The following ADAMTSL1 variants were observed in gnomAD, a reference collection of about 807,000 sequenced individuals.
ADAMTSL1 encodes the protein ADAMTS like 1, also known as ADAMTS-like protein 1.
Under a neutral mutation model 201.8 loss-of-function variants are expected in ADAMTSL1, and 126 were observed. The ratio of observed to expected loss-of-function variants is 0.62; its 90% CI spans 0.54 to 0.72. The LOEUF (loss-of-function observed/expected upper bound fraction) is 0.72. Ranked by LOEUF, ADAMTSL1 falls within the 30% of genes least tolerant of loss-of-function variation. The pLI, the probability that ADAMTSL1 is intolerant of heterozygous loss-of-function variation, is 0.00. For missense variants in ADAMTSL1, 2,679 were observed against 2,277.8 expected, an observed-to-expected ratio of 1.18 and a Z score of -3.59; for synonymous variants, 1,121 against 903.4, an observed-to-expected ratio of 1.24 and a Z score of -4.32.
chr9:18,522,536 A>G (rs915203315), intron 2 of ADAMTSL1, among the ~76,000 whole-genome samples: 8 of 151,860 alleles, frequency 5.3e-5, no homozygotes, highest in African/African-American at 1.9e-4. Context: ...GGTGTGCTGC[A>G]CCCATTAACT....
At chr9:18,389,564 A>G (rs1190921621) in intron 2 of ADAMTSL1, among the ~76,000 whole-genome samples, 1 of 152,176 alleles carries the variant, frequency 6.6e-6, no homozygotes, top group Non-Finnish European at 1.5e-5. Flanking sequence ...GAACTCCATA[A>G]TTCTTAGGGC....
chr9:18,562,694 C>T (rs188342560), intron 3 of ADAMTSL1, among the ~76,000 whole-genome samples: 1 of 152,288 alleles, frequency 6.6e-6, no homozygotes, highest in East Asian at 1.9e-4. Context: ...TTCCATATTT[C>T]TTGGAGGCTT....
intron 2 of ADAMTSL1, among the ~76,000 whole-genome samples, chr9:18,244,130 G>A (rs1831171985): frequency 6.7e-6 from 1 of 149,194 alleles, no homozygotes; most frequent in Non-Finnish European, 1.5e-5. Context: ...TGTGTGTGTG[G>A]CCAATTCATA....
At chr9:18,740,033 T>C (rs1380713443) in intron 15 of ADAMTSL1, among the ~76,000 whole-genome samples, 1 of 152,070 alleles carries the variant, frequency 6.6e-6, no homozygotes, top group African/African-American at 2.4e-5. Context: ...GACAGGGAGA[T>C]CTCTGCATGG....
intron 1 of ADAMTSL1, among the ~76,000 whole-genome samples, chr9:17,929,210 C>A (rs1269448957): frequency 6.6e-6 from 1 of 152,126 alleles, no homozygotes; most frequent in East Asian, 1.9e-4. Context: ...CATGGCACTT[C>A]CCTGCTTAAA....
At chr9:18,448,487 AAGAATTT>A (rs946717031) in intron 2 of ADAMTSL1, among the ~76,000 whole-genome samples, 73 of 152,344 alleles carry the variant, frequency 4.8e-4, no homozygotes, top group African/African-American at 1.6e-3. Context: ...AAACCCCTAA[AAGAATTT>A]AGAAAATATC....
Position 18,777,495 on chromosome 9 carries a change from C to T in ADAMTSL1, c.3266C>T (p.Pro1089Leu), listed in dbSNP as rs1410912696. 2 of 1,595,276 alleles carry T rather than the reference C, an allele frequency of 1.3e-6. No homozygotes were observed. The highest frequency in any genetic ancestry group is 2.3e-5 in the South Asian group (2 of 88,114). Residue 1089 changes from proline (P) to leucine (L), a missense_variant, in exon 19 of 29, where the codon CCC becomes CTC. Pro to Leu is a moderately conservative substitution (Grantham distance 98, BLOSUM62 -3). Coordinates refer to ENST00000380548, the MANE Select transcript of ADAMTSL1 (RefSeq NM_001040272.6). ...ATCCTGGGGAACCTCTCCCAGCAGC[C>T]CGAGGAGCTGCGCGACCTCTACAGC... ...DDILGNLSQQ[P>L]EELRDLYSKH...
At chr9:17,946,345 A>C (rs1827473871) in intron 1 of ADAMTSL1, among the ~76,000 whole-genome samples, 2 of 152,038 alleles carry the variant, frequency 1.3e-5, no homozygotes. Flanking sequence ...ATTGGTACTC[A>C]GGTATCTAAG....
upstream of ADAMTSL1, among the ~76,000 whole-genome samples, chr9:18,469,770 G>A (rs1310172839): frequency 6.6e-6 from 1 of 152,352 alleles, no homozygotes; most frequent in South Asian, 2.1e-4. Context: ...CAAGCAGACA[G>A]AGCAAAGTGT....
intron 23 of ADAMTSL1, among the ~76,000 whole-genome samples, chr9:18,842,523 G>T (rs531992864): frequency 1.3e-5 from 2 of 152,170 alleles, no homozygotes; most frequent in Non-Finnish European, 2.9e-5. Flanking sequence ...TGTTGATTTG[G>T]GGTGGAGAGT....
intron 2 of ADAMTSL1, among the ~76,000 whole-genome samples, chr9:18,186,189 G>T (rs913723759): frequency 2.0e-5 from 3 of 152,160 alleles, no homozygotes; most frequent in Admixed American, 1.3e-4. Context: ...GATGGTTGTG[G>T]ACCATAGGCT....
At chr9:18,178,665 C>T (rs1312385617) in intron 2 of ADAMTSL1, among the ~76,000 whole-genome samples, 45 of 150,666 alleles carry the variant, frequency 3.0e-4, no homozygotes, top group East Asian at 1.2e-3. Context: ...TCTCCCAGCA[C>T]GCAGCTGTAG....
intron 1 of ADAMTSL1, among the ~76,000 whole-genome samples, chr9:18,074,550 TCTTCTCTTTTC>T (rs1823122843): frequency 9.8e-6 from 1 of 102,156 alleles, no homozygotes; most frequent in African/African-American, 4.1e-5. Flanking sequence ...TCTTCTTTTC[TCTTCTCTTTTC>T]TTTTTTTTTT....
At chr9:18,880,978 C>G (rs1828494259) in intron 23 of ADAMTSL1, among the ~76,000 whole-genome samples, 1 of 152,154 alleles carries the variant, frequency 6.6e-6, no homozygotes, top group Non-Finnish European at 1.5e-5. Flanking sequence ...TTCCTAAAAC[C>G]TTATGAACCA....
chr9:18,210,449 T>A (rs537379570), intron 2 of ADAMTSL1, among the ~76,000 whole-genome samples: 4 of 145,684 alleles, frequency 2.7e-5, no homozygotes, highest in South Asian at 4.2e-4. Flanking sequence ...TATGATATAT[T>A]AATAAATATA....
intron 15 of ADAMTSL1, among the ~76,000 whole-genome samples, chr9:18,726,902 C>G (rs1817928561): frequency 6.6e-6 from 1 of 152,200 alleles, no homozygotes; most frequent in Non-Finnish European, 1.5e-5. Flanking sequence ...TCCCCCTGCC[C>G]CAGCCCCAGT....
intron 19 of ADAMTSL1, among the ~76,000 whole-genome samples, chr9:18,787,108 A>G (rs1051318325): frequency 2.0e-5 from 3 of 152,238 alleles, no homozygotes; most frequent in African/African-American, 7.2e-5. Context: ...CAGATAATAT[A>G]AAAACTAGAG....
At chr9:18,634,202 T>C (rs1038935700) in intron 5 of ADAMTSL1, among the ~76,000 whole-genome samples, 4 of 152,050 alleles carry the variant, frequency 2.6e-5, no homozygotes, top group South Asian at 2.1e-4. Flanking sequence ...TGAGTAACAA[T>C]TGGGATTATC....
chr9:18,608,294 C>A (rs1338998004), intron 4 of ADAMTSL1, among the ~76,000 whole-genome samples: 2 of 152,128 alleles, frequency 1.3e-5, no homozygotes, highest in Non-Finnish European at 2.9e-5. Flanking sequence ...TAAAAAATTT[C>A]TGAACTTAAA....
Sources: allele counts gnomAD v4.1 joint callset (sites outside exome capture counted in the v4.1 genomes callset), GRCh38; gene constraint gnomAD v4.1.1; transcripts MANE v1.5; gene names NCBI Gene and HGNC (gene_info 2026-07-23, HGNC 2026-07-21).